KIF27: variants seen among roughly 807,000 people sequenced by gnomAD.
The protein encoded by KIF27 is kinesin family member 27.
A neutral mutation model predicts 141.8 loss-of-function variants in KIF27; 84 were observed. The observed-to-expected ratio is 0.59, with a 90% CI of 0.50 to 0.71. The LOEUF is 0.71. Among genes scored for constraint, KIF27 ranks in the 30% least tolerant of loss-of-function variants. The pLI, the probability that KIF27 is intolerant of heterozygous loss-of-function variation, is 0.00. For missense variants in KIF27, 1,306 were observed against 1,628.4 expected, an observed-to-expected ratio of 0.80 and a Z score of 3.41; for synonymous variants, 471 against 569.5, an observed-to-expected ratio of 0.83 and a Z score of 2.46.
intron 12 of KIF27, among the ~76,000 whole-genome samples, chr9:83,868,741 A>G (rs1200338545): frequency 2.0e-5 from 3 of 152,176 alleles, no homozygotes; most frequent in Admixed American, 6.5e-5. Context: ...CTGGAAATCT[A>G]TCATACAATG....
At chr9:83,865,058 C>T (rs1950245826) in intron 13 of KIF27, among the ~76,000 whole-genome samples, 2 of 151,980 alleles carry the variant, frequency 1.3e-5, no homozygotes, top group African/African-American at 4.8e-5. Context: ...TTATTTTGAG[C>T]CTATATGTGT....
intron 2 of KIF27, among the ~76,000 whole-genome samples, chr9:83,913,064 C>A (rs1175400524): frequency 1.3e-5 from 2 of 151,302 alleles, no homozygotes; most frequent in African/African-American, 4.9e-5. Flanking sequence ...ACTTAGGAGG[C>A]CAAGGTGGAA....
rs770501432 is a variant in KIF27 at position 83,888,484 on chromosome 9, T to C, written c.2083+5A>G. On this transcript the variant is annotated splice_donor_5th_base_variant and intron_variant, in intron 8 of 17. Coordinates refer to ENST00000297814, the MANE Select transcript of KIF27 (RefSeq NM_017576.4). ...GGTCTACATTATTTAAGAAGATCTA[T>C]GTACCTTCATTCTCCAAATCTGACT... 9.1e-6 allele frequency: 13 copies of C among 1,434,130 alleles called. No homozygotes were observed. Among genetic ancestry groups the C allele is most frequent in the Non-Finnish European group, 1.1e-5 (11 of 1,030,214 alleles). The allele number at this position is 1,434,130 out of a possible 1,614,324, so 88.8% of individuals were successfully genotyped here. A position where few individuals can be genotyped will look rare whatever the true frequency, so the allele number is the denominator to read the frequency against.
intron 14 of KIF27, among the ~76,000 whole-genome samples, chr9:83,857,358 C>A (rs1200818537): frequency 1.3e-5 from 2 of 152,114 alleles, no homozygotes; most frequent in Non-Finnish European, 2.9e-5. Context: ...GGAATATTAA[C>A]CTTGGCTTTA....
rs1161890843 is a variant in KIF27, at chr9:83,880,490, AAGACCTGAGATCAT to A, written c.2446-10_2449del. On this transcript the variant is annotated splice_acceptor_variant and splice_polypyrimidine_tract_variant and coding_sequence_variant and intron_variant, in exon 11 of 18. Transcript: ENST00000297814. LOFTEE classifies it high-confidence loss of function. ...CTTACTATCTTGTTGCTTCTTCTGC[AAGACCTGAGATCAT>A]ATGGAATATTTCAAAATGAAAAACT... 3.1e-6 allele frequency: 5 copies of A among 1,608,296 alleles called. No individual in the cohort carries two copies. In the Admixed American group the frequency reaches 6.7e-5, roughly 22 times the overall value.
chr9:83,887,398 A>C (rs189591822), intron 8 of KIF27, among the ~76,000 whole-genome samples: 1 of 152,350 alleles, frequency 6.6e-6, no homozygotes, highest in East Asian at 1.9e-4. Context: ...TTATTTTCTT[A>C]CAAATTAATA....
chr9:83,871,427 A>G (rs541972845), intron 11 of KIF27, among the ~76,000 whole-genome samples: 16 of 152,330 alleles, frequency 1.1e-4, no homozygotes, highest in Non-Finnish European at 1.5e-4. Context: ...TGAGTGTTAC[A>G]CATTAGTGTA....
intron 11 of KIF27, among the ~76,000 whole-genome samples, chr9:83,874,310 C>A (rs138406868): frequency 6.6e-6 from 1 of 152,158 alleles, no homozygotes; most frequent in Non-Finnish European, 1.5e-5. Context: ...CCACCACCCA[C>A]AATTTCAGGA....
At chr9:83,838,735 C>G (rs1946212930) in intron 17 of KIF27, 1 of 152,208 alleles carries the variant, frequency 6.6e-6, no homozygotes, top group Non-Finnish European at 1.5e-5. Flanking sequence ...TTCTGAATTG[C>G]AATAGCAGCT....
intron 13 of KIF27, among the ~76,000 whole-genome samples, chr9:83,865,731 C>G (rs980052052): frequency 6.6e-6 from 1 of 152,124 alleles, no homozygotes; most frequent in African/African-American, 2.4e-5. Context: ...CTTGCTCTAT[C>G]TCTAATGTCT....
intron 17 of KIF27, among the ~76,000 whole-genome samples, chr9:83,841,131 C>T (rs1328016756): frequency 2.0e-5 from 3 of 151,476 alleles, no homozygotes; most frequent in Admixed American, 6.6e-5. Flanking sequence ...GGTGCAATGT[C>T]GTGATCTCAG....
intron 1 of KIF27, among the ~76,000 whole-genome samples, chr9:83,918,239 C>G (rs1053546230): frequency 7.0e-6 from 1 of 143,170 alleles, no homozygotes; most frequent in Non-Finnish European, 1.5e-5. Flanking sequence ...TGCACCACTG[C>G]ACTATAACGT....
At chr9:83,870,441 A>G in intron 12 of KIF27, 78 bp downstream of exon 12, 1 of 1,571,968 alleles carries the variant, frequency 6.4e-7, no homozygotes, top group South Asian at 1.1e-5. Context: ...TGCTAGGATT[A>G]CAGGTGTGAG....
chr9:83,904,744 G>C (rs572540366), intron 3 of KIF27, among the ~76,000 whole-genome samples: 1 of 151,624 alleles, frequency 6.6e-6, no homozygotes, highest in Middle Eastern at 3.4e-3. Flanking sequence ...GAATTAATTA[G>C]TATCAATTAA....
chr9:83,899,244 GA>G (rs765620867), intron 5 of KIF27, among the ~76,000 whole-genome samples: 19 of 152,144 alleles, frequency 1.2e-4, no homozygotes, highest in Non-Finnish European at 2.5e-4. Flanking sequence ...TAGAAAATTT[GA>G]AAGATGTAAG....
rs143489063 is a variant in KIF27, at chr9:83,844,589, G to A, written c.3557-2188C>T. On this transcript the variant is annotated intron_variant, in intron 16 of 17. Coordinates refer to ENST00000297814, the MANE Select transcript of KIF27 (RefSeq NM_017576.4). ...TAGTCCTTGACATGAACTGTTTACA[G>A]AATTATGCAAAATAAATGCATTTGA... Among the ~76,000 whole-genome samples the A allele has an allele frequency of 4.3e-3, 662 of 152,208 alleles. 6 individuals are homozygous for A. The highest frequency in any genetic ancestry group is 0.015 in the African/African-American group (634 of 41,518).
intron 15 of KIF27, among the ~76,000 whole-genome samples, chr9:83,852,382 G>A (rs1367611683): frequency 1.3e-5 from 2 of 151,488 alleles, no homozygotes; most frequent in African/African-American, 4.9e-5. Context: ...GAACCTGGGA[G>A]GCAGAGCTTG....
chr9:83,864,564 T>C (rs1398658263), intron 13 of KIF27, among the ~76,000 whole-genome samples: 3 of 152,238 alleles, frequency 2.0e-5, no homozygotes, highest in Non-Finnish European at 4.4e-5. Flanking sequence ...TCTATTCTTT[T>C]ACATTTGCTG....
chr9:83,890,800 A>G (rs112620008), intron 6 of KIF27, among the ~76,000 whole-genome samples: 20,363 of 152,204 alleles, frequency 0.13, 1,450 homozygotes, highest in African/African-American at 0.14. Context: ...AGATTCTTTG[A>G]TAATTCTTAA....
Sources: gnomAD v4.1 joint callset for allele counts (sites outside exome capture counted in the v4.1 genomes callset) on GRCh38, gnomAD v4.1.1 for gene constraint, MANE v1.5 for transcripts, NCBI Gene and HGNC (gene_info 2026-07-23, HGNC 2026-07-21) for gene names.